Variants in NRG3 observed in about 807,000 individuals in gnomAD.
NRG3 encodes the protein pro-neuregulin-3, membrane-bound isoform.
In NRG3, 31 loss-of-function variants were observed where a neutral mutation model predicts 66.9. The ratio of observed to expected loss-of-function variants is 0.46; its 90% CI spans 0.35 to 0.63. The LOEUF (loss-of-function observed/expected upper bound fraction) is 0.63. NRG3 is among the 20% of genes least tolerant of loss of function. NRG3 has a pLI of 0.00. For synonymous variants in NRG3, 393 were observed against 359.4 expected, an observed-to-expected ratio of 1.09 and a Z score of -1.06; for missense variants, 910 against 878.9, an observed-to-expected ratio of 1.04 and a Z score of -0.45.
At chr10:82,946,749 T>C (rs1234232446) in intron 4 of NRG3, among the ~76,000 whole-genome samples, 1 of 152,136 alleles carries the variant, frequency 6.6e-6, no homozygotes, top group Non-Finnish European at 1.5e-5. Flanking sequence ...TACACACATA[T>C]TCATTCATAT....
intron 4 of NRG3, among the ~76,000 whole-genome samples, chr10:82,937,532 T>C (rs1213953750): frequency 6.6e-6 from 1 of 152,216 alleles, no homozygotes; most frequent in Non-Finnish European, 1.5e-5. Flanking sequence ...TAACAGACTT[T>C]AATAGAGCAA....
intron 1 of NRG3, among the ~76,000 whole-genome samples, chr10:81,914,415 C>A (rs1776157402): frequency 6.6e-6 from 1 of 151,946 alleles, no homozygotes; most frequent in Non-Finnish European, 1.5e-5. Context: ...GGGTACATTT[C>A]AAAAATGCTC....
chr10:82,710,711 ATTTTATTTTAT>A (rs2056614161), intron 2 of NRG3, among the ~76,000 whole-genome samples: 2 of 134,798 alleles, frequency 1.5e-5, no homozygotes, highest in South Asian at 2.4e-4. Flanking sequence ...TTTTTATTTT[ATTTTATTTTAT>A]TTTTATTTTA....
At chr10:82,665,004 C>A (rs143096082) in intron 2 of NRG3, among the ~76,000 whole-genome samples, 1 of 152,300 alleles carries the variant, frequency 6.6e-6, no homozygotes, top group Non-Finnish European at 1.5e-5. Flanking sequence ...TATTCTCCGC[C>A]TTCTCACGAT....
At position 82,195,113 on chromosome 10, in the gene NRG3, A is replaced by G. The variant is rs190625604; in HGVS notation, c.824-163626A>G. Among the ~76,000 whole-genome samples the G allele has an allele frequency of 7.7e-4, 117 of 152,200 alleles. 4 individuals are homozygous for G. In the East Asian group the frequency reaches 0.017, roughly 22 times the overall value. ...GCCTCTATTTTTTGGATGTGTTGGC[A>G]TGAGTGTTGGCTTTATCCATCTGGT... On this transcript the variant is annotated intron_variant, in intron 1 of 8. Coordinates refer to ENST00000372141, the MANE Select transcript of NRG3 (RefSeq NM_001010848.4).
At chr10:82,095,561 A>G (rs988940780) in intron 1 of NRG3, among the ~76,000 whole-genome samples, 3 of 152,174 alleles carry the variant, frequency 2.0e-5, no homozygotes, top group Non-Finnish European at 4.4e-5. Context: ...CAAGTTCACT[A>G]AAGTCTGAGA....
chr10:82,608,621 GA>G, intron 2 of NRG3, among the ~76,000 whole-genome samples: 1 of 152,258 alleles, frequency 6.6e-6, no homozygotes, highest in Non-Finnish European at 1.5e-5. Context: ...CTTAAAGTGA[GA>G]CTGTGTCTCT....
At chr10:82,193,867 C>T (rs1649940) in intron 1 of NRG3, among the ~76,000 whole-genome samples, 114,971 of 152,070 alleles carry the variant, frequency 0.76, 43,630 homozygotes, top group South Asian at 0.85. Context: ...TGAGGCTTAA[C>T]GGCATTGACA....
At chr10:82,104,628 A>G (rs1590128622) in intron 1 of NRG3, among the ~76,000 whole-genome samples, 1 of 152,354 alleles carries the variant, frequency 6.6e-6, no homozygotes, top group East Asian at 1.9e-4. Flanking sequence ...ATAAAGAAAT[A>G]CAGAATGAAC....
At chr10:82,177,309 G>T (rs1200557306) in intron 1 of NRG3, among the ~76,000 whole-genome samples, 1 of 151,764 alleles carries the variant, frequency 6.6e-6, no homozygotes, top group Non-Finnish European at 1.5e-5. Flanking sequence ...TTCTACAAAG[G>T]GTTTGTGATT....
At chr10:82,543,347 C>T (rs1027097618) in intron 2 of NRG3, among the ~76,000 whole-genome samples, 1 of 152,052 alleles carries the variant, frequency 6.6e-6, no homozygotes, top group African/African-American at 2.4e-5. Context: ...GCTGATGGGG[C>T]ATCATGTCAA....
intron 2 of NRG3, among the ~76,000 whole-genome samples, chr10:82,534,828 G>A (rs1009254116): frequency 1.3e-5 from 2 of 151,820 alleles, no homozygotes; most frequent in African/African-American, 4.8e-5. Context: ...AGAAAGGATA[G>A]TCTCTTCAAA....
At chr10:82,855,396 G>A (rs145418665) in intron 3 of NRG3, among the ~76,000 whole-genome samples, 92 of 151,448 alleles carry the variant, frequency 6.1e-4, no homozygotes, top group South Asian at 1.9e-3. Context: ...CCGTAAACTC[G>A]TCTGTGTGTC....
chr10:82,596,884 C>T (rs2133361361), intron 2 of NRG3, among the ~76,000 whole-genome samples: 1 of 152,178 alleles, frequency 6.6e-6, no homozygotes, highest in South Asian at 2.1e-4. Flanking sequence ...GTTTCCAGGT[C>T]CCTTTTGCTT....
At chr10:82,550,565 C>G (rs371716277) in intron 2 of NRG3, among the ~76,000 whole-genome samples, 2 of 152,144 alleles carry the variant, frequency 1.3e-5, no homozygotes, top group African/African-American at 4.8e-5. Context: ...CTGCACCTCT[C>G]TAACTTAATT....
At chr10:82,011,689 A>G (rs1397617051) in intron 1 of NRG3, among the ~76,000 whole-genome samples, 1 of 152,152 alleles carries the variant, frequency 6.6e-6, no homozygotes, top group Non-Finnish European at 1.5e-5. Flanking sequence ...TGGCCAAAAC[A>G]TAGAGACTAC....
At chr10:82,674,618 G>A (rs1216182246) in intron 2 of NRG3, among the ~76,000 whole-genome samples, 1 of 152,088 alleles carries the variant, frequency 6.6e-6, no homozygotes, top group African/African-American at 2.4e-5. Flanking sequence ...AATCTACTAG[G>A]AGGATGGTTC....
At chr10:82,685,137 G>C (rs557970251) in intron 2 of NRG3, among the ~76,000 whole-genome samples, 6 of 151,468 alleles carry the variant, frequency 4.0e-5, no homozygotes, top group East Asian at 1.9e-4. Flanking sequence ...ATAGACAGAG[G>C]CCCCCCCCAA....
At chr10:81,880,998 A>C (rs1842129833) in intron 1 of NRG3, among the ~76,000 whole-genome samples, 1 of 152,204 alleles carries the variant, frequency 6.6e-6, no homozygotes. Flanking sequence ...GCAATATCAC[A>C]ATCAAAACTT....
Sources: allele counts gnomAD v4.1 joint callset (sites outside exome capture counted in the v4.1 genomes callset), GRCh38; gene constraint gnomAD v4.1.1; transcripts MANE v1.5; gene names NCBI Gene and HGNC (gene_info 2026-07-23, HGNC 2026-07-21).